Variants in SUSD3 observed in about 807,000 individuals in gnomAD.
The protein encoded by SUSD3 is sushi domain-containing protein 3.
In SUSD3, 18 loss-of-function variants were observed where a neutral mutation model predicts 20.6. The observed-to-expected ratio is 0.87, with a 90% CI of 0.60 to 1.30. SUSD3 has a LOEUF of 1.30. Among genes scored for constraint, SUSD3 ranks in the 50% most tolerant of loss-of-function variants. SUSD3 has a pLI of 0.00. For missense variants in SUSD3, 306 were observed against 346.9 expected, an observed-to-expected ratio of 0.88 and a Z score of 0.94; for synonymous variants, 137 against 141.5, an observed-to-expected ratio of 0.97 and a Z score of 0.23.
intron 1 of SUSD3, among the ~76,000 whole-genome samples, chr9:93,062,867 C>T (rs1825562706): frequency 6.6e-6 from 1 of 152,152 alleles, no homozygotes. Context: ...CTTTGTAGAC[C>T]ATAGCTCCTG....
chr9:93,064,109 C>T (rs776660341), intron 1 of SUSD3, among the ~76,000 whole-genome samples: 4 of 152,078 alleles, frequency 2.6e-5, no homozygotes, highest in Non-Finnish European at 5.9e-5. Flanking sequence ...AGTACAGTGC[C>T]GTGATCTTGG....
In SUSD3 at chr9:93,063,256, C is replaced by T. The variant is rs532942169; in HGVS notation, c.88+4426C>T. The stretch of plus-strand genomic sequence containing the variant: ...ACCTTGGGGATTGAGGCCCAGGGCC[C>T]CAGTAGGGCTCATGTCCTGGGCTGC... On this transcript the variant is annotated intron_variant, in intron 1 of 4. Coordinates refer to ENST00000375472, the MANE Select transcript of SUSD3 (RefSeq NM_145006.4). 2.4e-3 allele frequency among the ~76,000 whole-genome samples: 372 copies of T among 152,266 alleles called. 1 individual carries two copies. Among genetic ancestry groups the T allele is most frequent in the Non-Finnish European group, 1.3e-3 (89 of 68,012 alleles).
chr9:93,078,279 C>T (rs527894924), intron 3 of SUSD3, among the ~76,000 whole-genome samples: 6 of 152,080 alleles, frequency 3.9e-5, no homozygotes, highest in South Asian at 4.1e-4. Flanking sequence ...TTTTTTGAGA[C>T]GGAGTCTTGC....
chr9:93,081,662 G>C (rs1427910635), intron 4 of SUSD3, among the ~76,000 whole-genome samples: 1 of 152,188 alleles, frequency 6.6e-6, no homozygotes, highest in Non-Finnish European at 1.5e-5. Context: ...GCCAACACCT[G>C]CAGGGAAGGA....
intron 1 of SUSD3, among the ~76,000 whole-genome samples, chr9:93,074,431 CAAAAA>C (rs56872294): frequency 1.5e-4 from 6 of 38,854 alleles, no homozygotes; most frequent in African/African-American, 5.2e-4. Flanking sequence ...GACTCTGACT[CAAAAA>C]AAAAAAAAAA....
At chr9:93,075,672 C>A in intron 1 of SUSD3, 112 bp from the exon 2 acceptor site, 1 of 758,702 alleles carries the variant, frequency 1.3e-6, no homozygotes, top group Non-Finnish European at 2.2e-6. Flanking sequence ...TGCACCCCAC[C>A]CCTGTGCTCC....
At position 93,058,849 on chromosome 9, in the gene SUSD3, T is replaced by C; in HGVS notation, c.88+19T>C. The C allele has an allele frequency of 1.6e-6, 2 of 1,250,814 alleles. No homozygotes were observed. The highest frequency in any genetic ancestry group is 3.1e-5 in the East Asian group (1 of 31,806). 77.5% of individuals were successfully genotyped at this position (1,250,814 alleles called of 1,614,324 possible). ...CGCACAGGTGAGGGCTGGGGCCGAG[T>C]GGCCGCGTGCGGGGCTCTGCGCCCA... is the stretch of plus-strand genomic sequence containing the variant. On this transcript the variant is annotated intron_variant, in intron 1 of 4. Coordinates refer to ENST00000375472, the MANE Select transcript of SUSD3 (RefSeq NM_145006.4).
chr9:93,076,974 T>C (rs1322857509), intron 2 of SUSD3, among the ~76,000 whole-genome samples: 1 of 152,238 alleles, frequency 6.6e-6, no homozygotes, highest in Non-Finnish European at 1.5e-5. Flanking sequence ...CATCACTTCT[T>C]ATCTTCCACT....
chr9:93,078,697 C>G (rs1826275391), intron 3 of SUSD3, among the ~76,000 whole-genome samples: 1 of 152,236 alleles, frequency 6.6e-6, no homozygotes, highest in South Asian at 2.1e-4. Context: ...TTAACCACAG[C>G]CCACCAGCGA....
At chr9:93,070,302 T>G (rs1008307124) in intron 1 of SUSD3, among the ~76,000 whole-genome samples, 2 of 152,206 alleles carry the variant, frequency 1.3e-5, no homozygotes, top group Non-Finnish European at 2.9e-5. Context: ...TCTGTAATAA[T>G]ACAGATAAAG....
intron 4 of SUSD3, among the ~76,000 whole-genome samples, chr9:93,082,269 C>A (rs1438938688): frequency 6.6e-6 from 1 of 151,516 alleles, no homozygotes; most frequent in Admixed American, 6.6e-5. Flanking sequence ...TGGGAGGGCA[C>A]CTGACCCATC....
chr9:93,067,242 C>T (rs778134647), intron 1 of SUSD3, among the ~76,000 whole-genome samples: 4 of 152,174 alleles, frequency 2.6e-5, no homozygotes, highest in Non-Finnish European at 4.4e-5. Flanking sequence ...CATGTTGTAA[C>T]ATGGATCAGC....
At chr9:93,078,024 C>G in intron 3 of SUSD3, 31 bp downstream of exon 3, 1 of 1,613,754 alleles carries the variant, frequency 6.2e-7, no homozygotes. Flanking sequence ...CAGGGTCCTC[C>G]CGGGAGGCGC....
chr9:93,070,394 T>C (rs56188072), intron 1 of SUSD3, among the ~76,000 whole-genome samples: 1,954 of 152,288 alleles, frequency 0.013, 36 homozygotes, highest in African/African-American at 0.044. Flanking sequence ...TGAGGATCCA[T>C]AGACAGGGAG....
At position 93,079,482 on chromosome 9, in the gene SUSD3, T is replaced by C. The variant is rs773660440; in HGVS notation, c.437T>C (p.Leu146Pro). The part of the protein sequence containing the change: ...KRRRSNRSAQ[L>P]WSQLKDEDLE... ...AAACTCTCCTCCAGGTCAGCCCAGC[T>C]GTGGTCCCAGCTGAAAGATGAGGAC... Residue 146 changes from leucine (L) to proline (P), a missense_variant, in exon 4 of 5, where the codon CTG (leucine) becomes CCG (proline). Physicochemically the swap from Leu to Pro is moderately conservative, Grantham distance 98. Coordinates refer to ENST00000375472, the MANE Select transcript of SUSD3 (RefSeq NM_145006.4). The C allele has an allele frequency of 6.2e-7, 1 of 1,614,014 alleles. No individual in the cohort carries two copies. Among genetic ancestry groups the C allele is most frequent in the Admixed American group, 1.7e-5 (1 of 60,018 alleles).
At chr9:93,077,792 C>T (rs1826226725) in intron 2 of SUSD3, 54 bp from the exon 3 acceptor site, 2 of 1,607,892 alleles carry the variant, frequency 1.2e-6, no homozygotes, top group African/African-American at 2.7e-5. Context: ...AACCCCTGGG[C>T]CAAGCAAATC....
intron 1 of SUSD3, among the ~76,000 whole-genome samples, chr9:93,064,878 C>G (rs1198898204): frequency 6.6e-6 from 1 of 152,200 alleles, no homozygotes; most frequent in Non-Finnish European, 1.5e-5. Flanking sequence ...CCCTCAAACC[C>G]AGGTCCTCTG....
At position 93,058,832 on chromosome 9, in the gene SUSD3, T is replaced by C; in HGVS notation, c.88+2T>C. 8 of 1,266,706 alleles carry C rather than the reference T, an allele frequency of 6.3e-6. No homozygotes were observed. The highest frequency in any genetic ancestry group is 8.0e-6 in the Non-Finnish European group (8 of 1,005,758). The allele number at this position is 1,266,706 out of a possible 1,614,324, so 78.5% of individuals were successfully genotyped here. A position where few individuals can be genotyped will look rare whatever the true frequency, so the allele number is the denominator to read the frequency against. On this transcript the variant is annotated splice_donor_variant, in intron 1 of 4. Transcript: ENST00000375472. LOFTEE classifies it high-confidence loss of function. ...CGCCTGCCCCAGGGAACCGCACAGG[T>C]GAGGGCTGGGGCCGAGTGGCCGCGT... is the stretch of plus-strand genomic sequence containing the variant.
chr9:93,065,151 G>A (rs1825658692), intron 1 of SUSD3, among the ~76,000 whole-genome samples: 2 of 152,162 alleles, frequency 1.3e-5, no homozygotes, highest in Admixed American at 1.3e-4. Flanking sequence ...CAGCAGTGGG[G>A]ATGCTCAAGG....
Sources: gnomAD v4.1 joint callset for allele counts (sites outside exome capture counted in the v4.1 genomes callset) on GRCh38, gnomAD v4.1.1 for gene constraint, MANE v1.5 for transcripts, NCBI Gene and HGNC (gene_info 2026-07-23, HGNC 2026-07-21) for gene names.